Variants in ANKAR observed in about 807,000 individuals in gnomAD.
The protein encoded by ANKAR is ankyrin and armadillo repeat-containing protein.
A neutral mutation model predicts 146.2 loss-of-function variants in ANKAR; 136 were observed. That is an observed-to-expected ratio of 0.93 (90% confidence interval 0.81 to 1.07). ANKAR has a LOEUF of 1.07. ANKAR is among the 50% of genes least tolerant of loss of function. The pLI is 0.00. For missense variants in ANKAR, 1,567 were observed against 1,679.9 expected (o/e 0.93, Z 1.18); for synonymous variants, 500 against 575.8 (o/e 0.87, Z 1.88).
intron 3 of ANKAR, 53 bp downstream of exon 3, chr2:189,690,017 T>G (rs989264816): frequency 7.7e-7 from 1 of 1,295,564 alleles, no homozygotes; most frequent in African/African-American, 1.5e-5. Context: ...ATTAAATATA[T>G]GTTTAAATGC....
intron 18 of ANKAR, among the ~76,000 whole-genome samples, chr2:189,751,676 C>G (rs2045268684): frequency 6.6e-6 from 1 of 151,468 alleles, no homozygotes; most frequent in Non-Finnish European, 1.5e-5. Flanking sequence ...AACTCCTAAC[C>G]TCAGATGATC....
In ANKAR at chr2:189,689,580, GTGAA is replaced by G; in HGVS notation, c.660_663del (p.Asn220LysfsTer17). ...CTTTAATGAAATCTATGATGAAGAC[GTGAA>G]TGAAGATCCAACATATGATCCCAAC... On this transcript the variant is annotated frameshift_variant, in exon 3 of 23. Transcript: ENST00000684021. LOFTEE classifies it high-confidence loss of function. 1.2e-6 allele frequency: 2 copies of G among 1,611,464 alleles called. No individual in the cohort carries two copies. The highest frequency in any genetic ancestry group is 2.2e-5 in the South Asian group (2 of 90,474).
In ANKAR at chr2:189,684,067, A is replaced by G. The variant is rs560210338; in HGVS notation, c.602-5460A>G. Among the ~76,000 whole-genome samples, 3 of 152,232 alleles carry G rather than the reference A, an allele frequency of 2.0e-5. No individual in the cohort carries two copies. In the South Asian group the frequency reaches 6.2e-4, roughly 32 times the overall value. Reference sequence around the variant, plus strand: ...CTTCATCTAATTCATAAATTCTTAGACTCTTTCCAGAAGGCTAGGAGGATG... The same window carrying G: ...CTTCATCTAATTCATAAATTCTTAGGCTCTTTCCAGAAGGCTAGGAGGATG... On this transcript the variant is annotated intron_variant, in intron 2 of 22. Coordinates refer to ENST00000684021, the MANE Select transcript of ANKAR (RefSeq NM_001378068.1).
intron 10 of ANKAR, among the ~76,000 whole-genome samples, chr2:189,713,939 CA>C (rs545413609): frequency 6.6e-6 from 1 of 151,740 alleles, no homozygotes; most frequent in South Asian, 2.1e-4. Flanking sequence ...AAATGGAAAG[CA>C]AAAAAATAGC....
intron 10 of ANKAR, among the ~76,000 whole-genome samples, chr2:189,714,947 CAAA>C (rs71401215): frequency 1.6e-4 from 14 of 88,696 alleles, no homozygotes; most frequent in African/African-American, 5.6e-4. Context: ...CTCCATCTCA[CAAA>C]AAAAAAAAAA....
At position 189,692,336 on chromosome 2, in the gene ANKAR, A is replaced by T; in HGVS notation, c.1121A>T (p.Glu374Val). The change falls in exon 4 of 23, where the codon GAG becomes GTG. Residue 374 changes from glutamate (E) to valine (V), a missense_variant. Glu to Val is a moderately radical substitution (Grantham distance 121). Coordinates refer to ENST00000684021, the MANE Select transcript of ANKAR (RefSeq NM_001378068.1). Reference sequence around the variant, plus strand: ...AAATGCCAGAATTTTCACTACAAAGAGAATCAATATTTTCATGTTCATGGA... The same window carrying T: ...AAATGCCAGAATTTTCACTACAAAGTGAATCAATATTTTCATGTTCATGGA... ...DFKCQNFHYKENQYFHVHGGI... is the reference protein window; with the variant it reads ...DFKCQNFHYKVNQYFHVHGGI... The T allele has an allele frequency of 6.2e-7, 1 of 1,613,462 alleles. No homozygotes were observed. The highest frequency in any genetic ancestry group is 8.5e-7 in the Non-Finnish European group (1 of 1,179,742).
At chr2:189,721,343 A>G (rs2105790094) in intron 12 of ANKAR, among the ~76,000 whole-genome samples, 1 of 152,304 alleles carries the variant, frequency 6.6e-6, no homozygotes, top group Admixed American at 6.5e-5. Context: ...TCAAAGGCAT[A>G]TTCTTTAAAA....
At chr2:189,716,391 A>C (rs1423281919) in intron 10 of ANKAR, among the ~76,000 whole-genome samples, 1 of 152,246 alleles carries the variant, frequency 6.6e-6, no homozygotes, top group African/African-American at 2.4e-5. Flanking sequence ...GGGGATGTGA[A>C]GGACCTCTTC....
chr2:189,752,998 C>G (rs1006660521), intron 18 of ANKAR: 1 of 1,591,700 alleles, frequency 6.3e-7, no homozygotes, highest in African/African-American at 1.3e-5. Flanking sequence ...ATTGAGAAAA[C>G]CAAAATAACT....
intron 12 of ANKAR, among the ~76,000 whole-genome samples, chr2:189,722,300 C>T (rs1040534758): frequency 1.4e-5 from 2 of 145,482 alleles, no homozygotes; most frequent in African/African-American, 5.2e-5. Flanking sequence ...GATTGTACCA[C>T]TGCACTCTAG....
rs1574350379 is a variant in ANKAR at position 189,682,964 on chromosome 2, A to G, written c.601+5873A>G. ...TTCAAATGTTGAAACCTAATCACCA[A>G]TGGCATTAGGACATGGGACCATTGG... is the stretch of plus-strand genomic sequence containing the variant. On this transcript the variant is annotated intron_variant, in intron 2 of 22. Transcript: ENST00000684021. Among the ~76,000 whole-genome samples the G allele has an allele frequency of 2.0e-5, 3 of 152,182 alleles. No individual in the cohort carries two copies. In the East Asian group the frequency reaches 5.8e-4, roughly 29 times the overall value.
At chr2:189,743,095 G>C (rs2043610877) in intron 20 of ANKAR, among the ~76,000 whole-genome samples, 180 bp from the exon 21 acceptor site, 1 of 151,788 alleles carries the variant, frequency 6.6e-6, no homozygotes, top group South Asian at 2.1e-4. Context: ...GCAGTTGACA[G>C]CTCTCTGTAA....
At chr2:189,726,419 T>C (rs2105819246) in intron 12 of ANKAR, among the ~76,000 whole-genome samples, 1 of 152,186 alleles carries the variant, frequency 6.6e-6, no homozygotes, top group East Asian at 1.9e-4. Context: ...ATAGCTGGGA[T>C]TACAGGCATG....
chr2:189,734,627 T>C (rs1189688973), intron 17 of ANKAR, among the ~76,000 whole-genome samples: 1 of 152,062 alleles, frequency 6.6e-6, no homozygotes, highest in Admixed American at 6.6e-5. Context: ...AGGAGGTGGG[T>C]GGGAATTAAG....
In ANKAR at chr2:189,676,597, A is replaced by G. The variant is rs1406101855; in HGVS notation, c.107A>G (p.Glu36Gly). 1 of 1,613,358 alleles carries G rather than the reference A, an allele frequency of 6.2e-7. No homozygotes were observed. Among genetic ancestry groups the G allele is most frequent in the African/African-American group, 1.3e-5 (1 of 75,038 alleles). Residue 36 changes from glutamate (E) to glycine (G), a missense_variant, in exon 2 of 23, where the codon GAA becomes GGA. Physicochemically the swap from Glu to Gly is moderately conservative, Grantham distance 98. Coordinates refer to ENST00000684021, the MANE Select transcript of ANKAR (RefSeq NM_001378068.1). ...AIQRNASAFFEKYDRSEIQEL... is the reference protein window; with the variant it reads ...AIQRNASAFFGKYDRSEIQEL... ...CAAAGAAATGCATCTGCTTTTTTTG[A>G]AAAATATGATCGGAGTGAAATACAA...
At chr2:189,712,774 T>C (rs1030887843) in intron 10 of ANKAR, among the ~76,000 whole-genome samples, 6 of 152,162 alleles carry the variant, frequency 3.9e-5, no homozygotes, top group Non-Finnish European at 5.9e-5. Context: ...AGAATGACTT[T>C]GATGAGTTGA....
chr2:189,715,909 C>A (rs2040401086), intron 10 of ANKAR, among the ~76,000 whole-genome samples: 1 of 152,156 alleles, frequency 6.6e-6, no homozygotes, highest in Non-Finnish European at 1.5e-5. Context: ...TAAAAACTCT[C>A]AATAAACTAG....
At chr2:189,722,488 G>A (rs961224029) in intron 12 of ANKAR, among the ~76,000 whole-genome samples, 3 of 151,808 alleles carry the variant, frequency 2.0e-5, no homozygotes, top group African/African-American at 7.3e-5. Context: ...ATAGGGACTA[G>A]GTCTTCTCTT....
At chr2:189,703,367 G>T (rs1419222177) in intron 7 of ANKAR, among the ~76,000 whole-genome samples, 1 of 152,186 alleles carries the variant, frequency 6.6e-6, no homozygotes, top group Admixed American at 6.5e-5. Flanking sequence ...TAGACTTGGT[G>T]ATGGGCTGGT....
Sources: allele counts gnomAD v4.1 joint callset (sites outside exome capture counted in the v4.1 genomes callset), GRCh38; gene constraint gnomAD v4.1.1; transcripts MANE v1.5; gene names NCBI Gene and HGNC (gene_info 2026-07-23, HGNC 2026-07-21).